The following HCFC2 variants were observed in gnomAD, a reference collection of about 807,000 sequenced individuals.
HCFC2 encodes the protein host cell factor C2, also known as host cell factor 2.
In HCFC2, 18 loss-of-function variants were observed where a neutral mutation model predicts 89.2. The observed-to-expected ratio is 0.20, with a 90% CI of 0.14 to 0.30. The LOEUF is 0.30. HCFC2 is among the 10% of genes least tolerant of loss of function. HCFC2 has a pLI of 1.00. For synonymous variants in HCFC2, 308 were observed against 335.7 expected, an observed-to-expected ratio of 0.92 and a Z score of 0.90; for missense variants, 578 against 956.1, an observed-to-expected ratio of 0.60 and a Z score of 5.21.
At chr12:104,087,766 A>AT (rs967049498) in intron 8 of HCFC2, among the ~76,000 whole-genome samples, 3 of 152,058 alleles carry the variant, frequency 2.0e-5, no homozygotes, top group Non-Finnish European at 4.4e-5. Flanking sequence ...TTTCAAAAGT[A>AT]TTTTTAACTA....
rs944752762 is a variant in HCFC2, at chr12:104,104,845, A to G, written c.*1572A>G. ...CTAAAGATAAAATAAATGCACTACT[A>G]TGGTGTTGTTAGAATACCTTTTTTG... On this transcript the variant is annotated 3_prime_UTR_variant, in exon 15 of 15. Transcript: ENST00000229330. 6 of 152,020 alleles carry G rather than the reference A, an allele frequency of 3.9e-5. No individual in the cohort carries two copies. The highest frequency in any genetic ancestry group is 8.8e-5 in the Non-Finnish European group (6 of 67,894). The allele number at this position is 152,020 out of a possible 1,614,324, so 9.4% of individuals were successfully genotyped here.
At chr12:104,080,134 T>A (rs1883638411) in intron 4 of HCFC2, among the ~76,000 whole-genome samples, 1 of 152,160 alleles carries the variant, frequency 6.6e-6, no homozygotes. Flanking sequence ...TTTGACTATC[T>A]TCTGTCCAGT....
chr12:104,102,858 T>TA lies in HCFC2; in HGVS notation c.2065-96dup, dbSNP rs1186663189. The TA allele has an allele frequency of 5.9e-6, 6 of 1,012,472 alleles. No homozygotes were observed. The African/African-American group carries it at 8.2e-5, about 14-fold the overall frequency. The allele number at this position is 1,012,472 out of a possible 1,614,324, so 62.7% of individuals were successfully genotyped here. ...GTAACATCTAATGCAATTATTTTAGTAAAAATGAACATTTTGTATTCTAAA... is the reference window on the plus strand; with the variant it reads ...GTAACATCTAATGCAATTATTTTAGTAAAAAATGAACATTTTGTATTCTAAA... On this transcript the variant is annotated intron_variant, in intron 14 of 14. Transcript: ENST00000229330.
intron 2 of HCFC2, among the ~76,000 whole-genome samples, chr12:104,067,011 C>T (rs1004529946): frequency 6.6e-6 from 1 of 152,174 alleles, no homozygotes; most frequent in African/African-American, 2.4e-5. Flanking sequence ...TGGTCTTGAA[C>T]TCCTGACCTC....
Position 104,103,165 on chromosome 12 carries a change from C to A in HCFC2, c.2271C>A (p.Ser757=). ...QLANAHIDYT[S]RPAIVFRISA... ...CAAATGCACATATTGATTATACATC[C>A]AGGCCTGCCATTGTGTTCAGGATAT... Residue 757 remains serine (S), a synonymous_variant, in exon 15 of 15, where the codon TCC becomes TCA. Coordinates refer to ENST00000229330, the MANE Select transcript of HCFC2 (RefSeq NM_013320.3). 6.2e-7 allele frequency: 1 copy of A among 1,614,052 alleles called. No homozygotes were observed. The highest frequency in any genetic ancestry group is 8.5e-7 in the Non-Finnish European group (1 of 1,179,950).
In HCFC2 at chr12:104,064,601, C is replaced by T; in HGVS notation, c.41C>T (p.Ser14Phe). Residue 14 changes from serine (S) to phenylalanine (F), a missense_variant, in exon 1 of 15, where the codon TCC becomes TTC. Coordinates refer to ENST00000229330, the MANE Select transcript of HCFC2 (RefSeq NM_013320.3). The surrounding 1 kb of genome is among the most constrained non-coding windows in gnomAD (Gnocchi z 7.3). ...PSLLNWRRVS[S>F]FTGPVPRARH... ...CTCCTCAACTGGAGGCGAGTTTCTT[C>T]CTTCACGGGGCCGGTCCCCCGCGCC... 1 of 1,574,104 alleles carries T rather than the reference C, an allele frequency of 6.4e-7. No individual in the cohort carries two copies. The highest frequency in any genetic ancestry group is 8.6e-7 in the Non-Finnish European group (1 of 1,162,686).
At chr12:104,073,291 G>A (rs2700499) in intron 3 of HCFC2, among the ~76,000 whole-genome samples, 121,842 of 151,156 alleles carry the variant, frequency 0.81, 49,518 homozygotes, top group South Asian at 0.87. Flanking sequence ...CAGCCTCCCA[G>A]GTAGCTGGGA....
intron 12 of HCFC2, chr12:104,097,462 A>G (rs1884209678): frequency 6.4e-6 from 1 of 155,260 alleles, no homozygotes; most frequent in South Asian, 2.1e-4. Context: ...AGTTTTTACA[A>G]CTTTATAGAA....
Position 104,068,181 on chromosome 12 carries a change from A to AT in HCFC2, c.473+79dup. The AT allele has an allele frequency of 7.6e-7, 1 of 1,321,752 alleles. No homozygotes were observed. The highest frequency in any genetic ancestry group is 1.0e-6 in the Non-Finnish European group (1 of 982,452). The allele number at this position is 1,321,752 out of a possible 1,614,324, so 81.9% of individuals were successfully genotyped here. A position where few individuals can be genotyped will look rare whatever the true frequency, so the allele number is the denominator to read the frequency against. ...GAACATTTTATTTTTTCCATCTTTA[A>AT]TTTTTAAAAGGGATGATGCTTAGCT... On this transcript the variant is annotated intron_variant, in intron 3 of 14. Coordinates refer to ENST00000229330, the MANE Select transcript of HCFC2 (RefSeq NM_013320.3). This position sits in a 1 kb window ranked among gnomAD's most constrained non-coding sequence, Gnocchi z 4.1.
chr12:104,086,824 A>G (rs201155714), intron 7 of HCFC2, 23 bp from the exon 8 acceptor site: 222 of 1,608,184 alleles, frequency 1.4e-4, no homozygotes, highest in Non-Finnish European at 1.8e-4. Flanking sequence ...ACTTAAATGT[A>G]TAATATCATG....
intron 12 of HCFC2, among the ~76,000 whole-genome samples, chr12:104,096,927 G>A (rs1801911353): frequency 6.6e-6 from 1 of 152,066 alleles, no homozygotes; most frequent in Admixed American, 6.6e-5. Flanking sequence ...TGCTTAATAG[G>A]AGCACAACAG....
In HCFC2 at chr12:104,080,839, GT is replaced by G. The variant is rs749330176; in HGVS notation, c.767+15del. On this transcript the variant is annotated intron_variant, in intron 5 of 14. Coordinates refer to ENST00000229330, the MANE Select transcript of HCFC2 (RefSeq NM_013320.3). ...AGTGTTATAGGAAACAAGTATGGTG[GT>G]TTTTTGTATTTTGCTTCTGTTTTTT... The G allele has an allele frequency of 1.9e-6, 3 of 1,568,022 alleles. No homozygotes were observed. Among genetic ancestry groups the G allele is most frequent in the Admixed American group, 3.7e-5 (2 of 53,966 alleles).
At chr12:104,081,451 C>G (rs1883679933) in intron 5 of HCFC2, among the ~76,000 whole-genome samples, 1 of 152,132 alleles carries the variant, frequency 6.6e-6, no homozygotes, top group African/African-American at 2.4e-5. Context: ...TTGACTGTTA[C>G]TACCATCAAC....
chr12:104,082,379 G>A, intron 5 of HCFC2, 121 bp from the exon 6 acceptor site: 1 of 617,454 alleles, frequency 1.6e-6, no homozygotes, highest in Non-Finnish European at 2.9e-6. Flanking sequence ...ACAATGGTAA[G>A]CGAATGAATA....
intron 3 of HCFC2, among the ~76,000 whole-genome samples, chr12:104,079,141 G>C (rs1474983735): frequency 6.6e-6 from 1 of 152,160 alleles, no homozygotes; most frequent in Non-Finnish European, 1.5e-5. Flanking sequence ...CAGAGGATTT[G>C]TAGCTATGTT....
rs889195692 is a variant in HCFC2, at chr12:104,103,713, AG to A, written c.*441del. 1 of 155,432 alleles carries A rather than the reference AG, an allele frequency of 6.4e-6. No homozygotes were observed. Among genetic ancestry groups the A allele is most frequent in the African/African-American group, 2.4e-5 (1 of 41,452 alleles). 9.6% of individuals were successfully genotyped at this position (155,432 alleles called of 1,614,324 possible). On this transcript the variant is annotated 3_prime_UTR_variant, in exon 15 of 15. Transcript: ENST00000229330. ...ACTCCTTCTATCTTTATTCTATATG[AG>A]CAGTGTTCCTCTAACAACTGTCTTC...
intron 7 of HCFC2, among the ~76,000 whole-genome samples, chr12:104,084,115 C>T (rs906700888): frequency 7.2e-5 from 11 of 152,136 alleles, no homozygotes; most frequent in Non-Finnish European, 1.5e-5. Context: ...TTGACAGCTG[C>T]GTAGCAGGAA....
chr12:104,103,460 C>CTTTGTATA lies in HCFC2; in HGVS notation c.*188_*189insTTGTATAT. 2 of 558,804 alleles carry CTTTGTATA rather than the reference C, an allele frequency of 3.6e-6. No homozygotes were observed. The highest frequency in any genetic ancestry group is 6.2e-6 in the Non-Finnish European group (2 of 320,396). The allele number at this position is 558,804 out of a possible 1,614,324, so 34.6% of individuals were successfully genotyped here. A position where few individuals can be genotyped will look rare whatever the true frequency, so the allele number is the denominator to read the frequency against. On this transcript the variant is annotated 3_prime_UTR_variant, in exon 15 of 15. Coordinates refer to ENST00000229330, the MANE Select transcript of HCFC2 (RefSeq NM_013320.3). Reference sequence around the variant, plus strand: ...ATAAAAGAAAAGAAGCAAAGACTCTCTGAAAATTAGTATATGAGTTCTTCC... The same window carrying CTTTGTATA: ...ATAAAAGAAAAGAAGCAAAGACTCTCTTTGTATATGAAAATTAGTATATGAGTTCTTCC...
chr12:104,066,756 T>TG (rs1319315776), intron 2 of HCFC2, among the ~76,000 whole-genome samples: 1 of 152,164 alleles, frequency 6.6e-6, no homozygotes, highest in Non-Finnish European at 1.5e-5. Flanking sequence ...CATGAGCATT[T>TG]GCATTTCTAC....
Sources: allele counts gnomAD v4.1 joint callset (sites outside exome capture counted in the v4.1 genomes callset), GRCh38; gene constraint gnomAD v4.1.1; non-coding constraint Gnocchi (gnomAD v3.1); transcripts MANE v1.5; gene names NCBI Gene and HGNC (gene_info 2026-07-23, HGNC 2026-07-21).